The following CSGALNACT1 variants were observed in gnomAD, a reference collection of about 807,000 sequenced individuals.
The protein encoded by CSGALNACT1 is beta4GalNAcT-1.
CSGALNACT1 carries 52 observed loss-of-function variants against 51.0 expected under a neutral mutation model. The observed-to-expected ratio is 1.02, with a 90% CI of 0.82 to 1.29. The LOEUF is 1.29. Among genes scored for constraint, CSGALNACT1 ranks in the 50% most tolerant of loss-of-function variants. CSGALNACT1 has a pLI of 0.00. For synonymous variants in CSGALNACT1, 341 were observed against 254.4 expected, an observed-to-expected ratio of 1.34 and a Z score of -3.24; for missense variants, 935 against 679.2, an observed-to-expected ratio of 1.38 and a Z score of -4.19.
At chr8:19,447,518 G>T (rs1032156603) in intron 5 of CSGALNACT1, among the ~76,000 whole-genome samples, 1 of 152,120 alleles carries the variant, frequency 6.6e-6, no homozygotes, top group African/African-American at 2.4e-5. Flanking sequence ...TTCAACCTCT[G>T]CACTGCTAAC....
At chr8:19,613,240 A>G (rs1056031054) in intron 1 of CSGALNACT1, among the ~76,000 whole-genome samples, 3 of 152,186 alleles carry the variant, frequency 2.0e-5, no homozygotes, top group African/African-American at 7.2e-5. Context: ...CTATTTTCAA[A>G]AACATCCTGT....
chr8:19,624,306 C>G (rs935522205), intron 1 of CSGALNACT1, among the ~76,000 whole-genome samples: 1 of 152,150 alleles, frequency 6.6e-6, no homozygotes, highest in Non-Finnish European at 1.5e-5. Flanking sequence ...CAAAAATATT[C>G]TGGATTTAAA....
chr8:19,663,663 A>C (rs1371600287), intron 1 of CSGALNACT1, among the ~76,000 whole-genome samples: 1 of 152,232 alleles, frequency 6.6e-6, no homozygotes, highest in Non-Finnish European at 1.5e-5. Context: ...AGGAAGACAG[A>C]CACTAGGGAA....
At chr8:19,659,536 T>C (rs1392987615) in intron 1 of CSGALNACT1, among the ~76,000 whole-genome samples, 1 of 152,220 alleles carries the variant, frequency 6.6e-6, no homozygotes, top group African/African-American at 2.4e-5. Flanking sequence ...CCCCAGAGTT[T>C]CTGTCTCTGT....
At chr8:19,635,511 G>A (rs1454641187) in intron 1 of CSGALNACT1, among the ~76,000 whole-genome samples, 2 of 152,070 alleles carry the variant, frequency 1.3e-5, no homozygotes, top group East Asian at 1.9e-4. Flanking sequence ...GGTGAACCTC[G>A]GCTGCTTCTG....
At chr8:19,488,582 GT>G (rs201569074) in intron 4 of CSGALNACT1, among the ~76,000 whole-genome samples, 1,607 of 151,962 alleles carry the variant, frequency 0.011, 30 homozygotes, top group African/African-American at 0.036. Flanking sequence ...ATTCAGAAGG[GT>G]ATGAAGAGCC....
intron 4 of CSGALNACT1, among the ~76,000 whole-genome samples, chr8:19,490,581 T>C (rs866699926): frequency 6.6e-6 from 1 of 152,218 alleles, no homozygotes; most frequent in Non-Finnish European, 1.5e-5. Flanking sequence ...CCACCTTTTC[T>C]GCAGAGCCAA....
Position 19,519,292 on chromosome 8 carries a change from C to G in CSGALNACT1, c.-296-13162G>C, listed in dbSNP as rs552085036. Reference sequence around the variant, plus strand: ...ATAACTTTAGTTACAAGTTGTTGATCCCCATTCTCCTAGATTAGGAAACCA... The same window carrying G: ...ATAACTTTAGTTACAAGTTGTTGATGCCCATTCTCCTAGATTAGGAAACCA... On this transcript the variant is annotated intron_variant, in intron 3 of 9. Transcript: ENST00000454498. Among the ~76,000 whole-genome samples, 3 of 152,248 alleles carry G rather than the reference C, an allele frequency of 2.0e-5. No homozygotes were observed. The East Asian group carries it at 5.8e-4, about 29-fold the overall frequency.
intron 1 of CSGALNACT1, among the ~76,000 whole-genome samples, chr8:19,696,229 T>A (rs1450958565): frequency 1.3e-5 from 2 of 152,264 alleles, no homozygotes; most frequent in Non-Finnish European, 2.9e-5. Context: ...AAAAAGATTC[T>A]GTCCCCAATC....
chr8:19,655,683 T>C (rs113727809), intron 1 of CSGALNACT1, among the ~76,000 whole-genome samples: 1 of 152,042 alleles, frequency 6.6e-6, no homozygotes, highest in African/African-American at 2.4e-5. Flanking sequence ...CTCTCAAAGT[T>C]CTGGGATTAC....
chr8:19,536,865 G>A (rs532300503), intron 3 of CSGALNACT1, among the ~76,000 whole-genome samples: 14 of 152,300 alleles, frequency 9.2e-5, no homozygotes, highest in Admixed American at 5.9e-4. Context: ...CAACTGCTAC[G>A]TCCAACTGCT....
chr8:19,606,087 G>C (rs746004828), upstream of CSGALNACT1, among the ~76,000 whole-genome samples: 1 of 152,150 alleles, frequency 6.6e-6, no homozygotes, highest in Non-Finnish European at 1.5e-5. Context: ...AACCATGTCT[G>C]TGTCAGACAC....
At chr8:19,518,954 C>T (rs948042889) in intron 3 of CSGALNACT1, among the ~76,000 whole-genome samples, 20 of 152,200 alleles carry the variant, frequency 1.3e-4, no homozygotes, top group African/African-American at 4.8e-4. Context: ...ACGAAGCTCT[C>T]TCCTTCCTGA....
intron 6 of CSGALNACT1, among the ~76,000 whole-genome samples, chr8:19,424,807 G>A (rs2058520986): frequency 2.0e-5 from 3 of 152,292 alleles, no homozygotes; most frequent in Admixed American, 2.0e-4. Flanking sequence ...TCACTGATGT[G>A]CCCAACGTAG....
At chr8:19,482,762 A>G (rs2071787301) in intron 4 of CSGALNACT1, among the ~76,000 whole-genome samples, 1 of 152,066 alleles carries the variant, frequency 6.6e-6, no homozygotes, top group African/African-American at 2.4e-5. Flanking sequence ...CACAGTTTAA[A>G]TTTGCATCAA....
At chr8:19,563,298 G>C (rs2041195903) in intron 3 of CSGALNACT1, among the ~76,000 whole-genome samples, 1 of 152,128 alleles carries the variant, frequency 6.6e-6, no homozygotes. Flanking sequence ...GGGAGGGAGA[G>C]CATCAGGAAC....
chr8:19,449,965 G>A (rs938911273), intron 5 of CSGALNACT1, among the ~76,000 whole-genome samples: 3 of 150,234 alleles, frequency 2.0e-5, no homozygotes, highest in African/African-American at 7.4e-5. Flanking sequence ...TGAAGTAACC[G>A]GCTGGCTTAA....
At chr8:19,427,064 A>G (rs992698338) in intron 6 of CSGALNACT1, among the ~76,000 whole-genome samples, 2 of 152,240 alleles carry the variant, frequency 1.3e-5, no homozygotes, top group Non-Finnish European at 2.9e-5. Flanking sequence ...TTAAAGCTGA[A>G]CATGTTATCA....
chr8:19,695,960 T>C (rs941218920), intron 1 of CSGALNACT1, among the ~76,000 whole-genome samples: 8 of 152,262 alleles, frequency 5.3e-5, no homozygotes, highest in African/African-American at 1.7e-4. Context: ...GGTTTATTTA[T>C]AGTTCTTTCT....
Sources: gnomAD v4.1 joint callset for allele counts (sites outside exome capture counted in the v4.1 genomes callset) on GRCh38, gnomAD v4.1.1 for gene constraint, MANE v1.5 for transcripts, NCBI Gene and HGNC (gene_info 2026-07-23, HGNC 2026-07-21) for gene names.